CHST9: variants seen among roughly 807,000 people sequenced by gnomAD.
The protein encoded by CHST9 is carbohydrate sulfotransferase 9.
Under a neutral mutation model 44.4 loss-of-function variants are expected in CHST9, and 41 were observed. That is an observed-to-expected ratio of 0.92 (90% CI 0.72 to 1.20). The LOEUF is 1.20. CHST9 is among the 50% of genes most tolerant of loss of function. The pLI, the probability that CHST9 is intolerant of heterozygous loss-of-function variation, is 0.00. For synonymous variants in CHST9, 171 were observed against 178.4 expected, an observed-to-expected ratio of 0.96 and a Z score of 0.33; for missense variants, 504 against 516.5, an observed-to-expected ratio of 0.98 and a Z score of 0.23.
intron 2 of CHST9, among the ~76,000 whole-genome samples, chr18:27,088,069 G>T (rs1354110432): frequency 6.6e-6 from 1 of 152,100 alleles, no homozygotes; most frequent in Admixed American, 6.5e-5. Context: ...TACATTATAG[G>T]CTCCCAGTTT....
intron 2 of CHST9, among the ~76,000 whole-genome samples, chr18:27,135,736 A>G (rs2058508395): frequency 6.6e-6 from 1 of 152,230 alleles, no homozygotes; most frequent in South Asian, 2.1e-4. Flanking sequence ...GTGTGGACCA[A>G]GGCACGTGTT....
intron 4 of CHST9, among the ~76,000 whole-genome samples, chr18:26,973,506 A>AGGC (rs2056579693): frequency 6.6e-6 from 1 of 152,248 alleles, no homozygotes; most frequent in Non-Finnish European, 1.5e-5. Flanking sequence ...TGCGGCCTGC[A>AGGC]GGCGGCATGC....
chr18:27,141,334 C>T (rs892676235), intron 2 of CHST9, among the ~76,000 whole-genome samples: 1 of 151,946 alleles, frequency 6.6e-6, no homozygotes, highest in African/African-American at 2.4e-5. Flanking sequence ...CACTGCACTC[C>T]AGCCTAGGCG....
At chr18:27,118,200 C>A (rs1022979875) in intron 2 of CHST9, among the ~76,000 whole-genome samples, 5 of 152,142 alleles carry the variant, frequency 3.3e-5, no homozygotes, top group African/African-American at 1.2e-4. Flanking sequence ...GGTGAGGTGT[C>A]TATTCAGGTC....
At chr18:26,997,919 A>G (rs2056904630) in intron 4 of CHST9, among the ~76,000 whole-genome samples, 1 of 152,246 alleles carries the variant, frequency 6.6e-6, no homozygotes, top group African/African-American at 2.4e-5. Context: ...CAAAGCACAC[A>G]GTTCTAAACC....
chr18:26,956,618 C>T (rs2056329729), intron 4 of CHST9, among the ~76,000 whole-genome samples: 1 of 151,674 alleles, frequency 6.6e-6, no homozygotes, highest in Admixed American at 6.6e-5. Flanking sequence ...TATTCTCTGG[C>T]CTATGCAAGA....
At chr18:27,078,408 C>A (rs1245077711) in intron 2 of CHST9, among the ~76,000 whole-genome samples, 1 of 152,064 alleles carries the variant, frequency 6.6e-6, no homozygotes, top group Non-Finnish European at 1.5e-5. Context: ...AAAGCCTCTG[C>A]AAACACTGAA....
At chr18:26,999,225 C>T (rs1238300090) in intron 4 of CHST9, among the ~76,000 whole-genome samples, 2 of 152,186 alleles carry the variant, frequency 1.3e-5, no homozygotes, top group Non-Finnish European at 1.5e-5. Context: ...ATATGGCTGT[C>T]GATTTATGGT....
chr18:27,123,932 T>C (rs537512925), intron 2 of CHST9, among the ~76,000 whole-genome samples: 1 of 152,338 alleles, frequency 6.6e-6, no homozygotes, highest in East Asian at 1.9e-4. Context: ...TGGCCATCAG[T>C]GACTTTCATG....
At chr18:26,989,765 C>T (rs1053117416) in intron 4 of CHST9, among the ~76,000 whole-genome samples, 1 of 152,074 alleles carries the variant, frequency 6.6e-6, no homozygotes, top group Non-Finnish European at 1.5e-5. Flanking sequence ...GTCTGGCCAA[C>T]ATGGAAAAAC....
chr18:27,080,263 C>A (rs564627590), intron 2 of CHST9, among the ~76,000 whole-genome samples: 17 of 152,076 alleles, frequency 1.1e-4, no homozygotes, highest in African/African-American at 3.9e-4. Context: ...AATGGTTCAA[C>A]CTGCGTATCT....
chr18:27,124,088 C>T (rs2058399113), intron 2 of CHST9, among the ~76,000 whole-genome samples: 1 of 152,204 alleles, frequency 6.6e-6, no homozygotes, highest in African/African-American at 2.4e-5. Flanking sequence ...GCTGCACACA[C>T]ACAAATGTAA....
At chr18:26,955,663 G>A (rs1440211915) in intron 4 of CHST9, among the ~76,000 whole-genome samples, 1 of 152,126 alleles carries the variant, frequency 6.6e-6, no homozygotes, top group African/African-American at 2.4e-5. Context: ...TTGGCAAAAG[G>A]TCAGAGGGAG....
intron 2 of CHST9, among the ~76,000 whole-genome samples, chr18:27,090,117 G>C (rs917349609): frequency 2.0e-5 from 3 of 152,034 alleles, no homozygotes; most frequent in Non-Finnish European, 4.4e-5. Flanking sequence ...AGTGTTTCCT[G>C]ACTTTTTAAT....
intron 5 of CHST9, among the ~76,000 whole-genome samples, chr18:26,939,073 A>G (rs2056043278): frequency 6.6e-6 from 1 of 152,248 alleles, no homozygotes; most frequent in Non-Finnish European, 1.5e-5. Context: ...TGAACCAAAC[A>G]CAATCTCTTC....
intron 2 of CHST9, among the ~76,000 whole-genome samples, chr18:27,048,779 G>T: frequency 6.7e-6 from 1 of 149,560 alleles, no homozygotes; most frequent in South Asian, 2.3e-4. Flanking sequence ...AACTTACAAA[G>T]GGCAAATCCC....
rs533063817 is a variant in CHST9 at position 27,054,296 on chromosome 18, G to C, written c.122-5793C>G. Among the ~76,000 whole-genome samples the C allele has an allele frequency of 3.3e-5, 5 of 152,234 alleles. No homozygotes were observed. In the South Asian group the frequency reaches 1.0e-3, roughly 31 times the overall value. On this transcript the variant is annotated intron_variant, in intron 2 of 5. Transcript: ENST00000618847. ...ATAATAGAAAGGCTTTCAGAATAAT[G>C]AACACACATTCTGTCCTAGTTGTGC...
intron 4 of CHST9, among the ~76,000 whole-genome samples, chr18:26,999,999 C>T (rs72874626): frequency 0.039 from 5,864 of 152,220 alleles, 152 homozygotes; most frequent in Middle Eastern, 0.12. Flanking sequence ...AAGAGAACCA[C>T]GTAATAAAAA....
intron 2 of CHST9, among the ~76,000 whole-genome samples, chr18:27,071,093 A>G (rs972435775): frequency 6.6e-6 from 1 of 151,722 alleles, no homozygotes; most frequent in African/African-American, 2.4e-5. Flanking sequence ...ATTTCCTTCC[A>G]CTATCCTTCC....
Sources: gnomAD v4.1 joint callset for allele counts (sites outside exome capture counted in the v4.1 genomes callset) on GRCh38, gnomAD v4.1.1 for gene constraint, MANE v1.5 for transcripts, NCBI Gene and HGNC (gene_info 2026-07-23, HGNC 2026-07-21) for gene names.